PCDH9: variants seen among roughly 807,000 people sequenced by gnomAD.
PCDH9 encodes protocadherin 9, also known as protocadherin-9.
Under a neutral mutation model 70.6 loss-of-function variants are expected in PCDH9, and 24 were observed. That is an observed-to-expected ratio of 0.34 (90% CI 0.25 to 0.48). The LOEUF is 0.48. PCDH9 is among the 20% of genes least tolerant of loss of function. PCDH9 has a pLI of 0.99. For missense variants in PCDH9, 1,281 were observed against 1,503.6 expected, an observed-to-expected ratio of 0.85 and a Z score of 2.45; for synonymous variants, 562 against 558.5, an observed-to-expected ratio of 1.01 and a Z score of -0.09.
intron 2 of PCDH9, among the ~76,000 whole-genome samples, chr13:67,151,867 T>G (rs1389401667): frequency 1.3e-5 from 2 of 152,102 alleles, no homozygotes; most frequent in Non-Finnish European, 1.5e-5. Flanking sequence ...ACACTCATTT[T>G]TAAGGCACCA....
chr13:66,894,451 G>T (rs945971165), intron 3 of PCDH9, among the ~76,000 whole-genome samples: 1 of 152,078 alleles, frequency 6.6e-6, no homozygotes, highest in Non-Finnish European at 1.5e-5. Flanking sequence ...GGTTATGTTA[G>T]CTGCATAATT....
At chr13:67,178,080 G>T (rs2088512849) in intron 2 of PCDH9, among the ~76,000 whole-genome samples, 1 of 151,986 alleles carries the variant, frequency 6.6e-6, no homozygotes, top group Non-Finnish European at 1.5e-5. Context: ...AAATGCTATT[G>T]ACTTTAAGTA....
At chr13:66,845,581 A>C (rs913364417) in intron 3 of PCDH9, among the ~76,000 whole-genome samples, 3 of 152,104 alleles carry the variant, frequency 2.0e-5, no homozygotes, top group Admixed American at 6.5e-5. Flanking sequence ...CCCGGCCCCC[A>C]AGTGCACAGG....
rs117856182 is a variant in PCDH9, at chr13:66,392,094, G to A, written c.3341-87066C>T. ...AATTTCAAATCACTGAAGAAAGGGC[G>A]TTTGTCTTATTTTGGATACTGAAAT... On this transcript the variant is annotated intron_variant, in intron 4 of 4. Transcript: ENST00000377865. Among the ~76,000 whole-genome samples, 58 of 151,626 alleles carry A rather than the reference G, an allele frequency of 3.8e-4. 1 individual carries two copies. In the East Asian group the frequency reaches 8.9e-3, roughly 23 times the overall value.
chr13:66,530,110 C>A (rs965495726), intron 4 of PCDH9, among the ~76,000 whole-genome samples: 3 of 152,006 alleles, frequency 2.0e-5, no homozygotes, highest in African/African-American at 7.2e-5. Context: ...GAAATGATAT[C>A]TCTGCTTCCA....
intron 4 of PCDH9, among the ~76,000 whole-genome samples, chr13:66,622,440 T>C (rs886263668): frequency 6.6e-6 from 1 of 152,146 alleles, no homozygotes; most frequent in African/African-American, 2.4e-5. Context: ...GGAGAACCTT[T>C]GTGTCTAGCT....
intron 3 of PCDH9, among the ~76,000 whole-genome samples, chr13:66,701,209 GC>G (rs930925372): frequency 1.3e-5 from 2 of 151,520 alleles, no homozygotes; most frequent in Non-Finnish European, 2.9e-5. Flanking sequence ...AGTCTTGGAT[GC>G]TTTCATTTTG....
intron 4 of PCDH9, among the ~76,000 whole-genome samples, chr13:66,341,430 T>G (rs1448633024): frequency 6.6e-6 from 1 of 152,160 alleles, no homozygotes; most frequent in African/African-American, 2.4e-5. Flanking sequence ...TTTTAAATGC[T>G]GCTCTAGGTT....
intron 3 of PCDH9, among the ~76,000 whole-genome samples, chr13:66,691,718 C>A (rs998088859): frequency 3.3e-5 from 5 of 152,052 alleles, no homozygotes; most frequent in African/African-American, 1.2e-4. Context: ...TGAAATTGAG[C>A]TCTTTAGAAG....
At chr13:67,033,081 C>T (rs1354450120) in intron 2 of PCDH9, among the ~76,000 whole-genome samples, 3 of 151,896 alleles carry the variant, frequency 2.0e-5, no homozygotes, top group Non-Finnish European at 4.4e-5. Context: ...TCTACTTTCT[C>T]TTGCTATTCT....
At chr13:66,662,041 A>ATGTGTG (rs60088223) in intron 3 of PCDH9, among the ~76,000 whole-genome samples, 2 of 150,244 alleles carry the variant, frequency 1.3e-5, no homozygotes, top group African/African-American at 2.4e-5. Flanking sequence ...CTTTGTGAGT[A>ATGTGTG]TGTGTGTGTG....
intron 2 of PCDH9, among the ~76,000 whole-genome samples, chr13:67,047,633 G>A (rs143744099): frequency 1.3e-5 from 2 of 152,288 alleles, no homozygotes; most frequent in East Asian, 3.9e-4. Flanking sequence ...AATTCAGGGA[G>A]GAGTTAATGT....
rs78136090 is a variant in PCDH9 at position 66,706,103 on chromosome 13, T to C, written c.3139-74692A>G. Reference sequence around the variant, plus strand: ...CGTTAATTATAACTGAGCCAATGCATGAAGATTAGAGTATGTATTTGAACG... The same window carrying C: ...CGTTAATTATAACTGAGCCAATGCACGAAGATTAGAGTATGTATTTGAACG... On this transcript the variant is annotated intron_variant, in intron 3 of 4. Transcript: ENST00000377865. Among the ~76,000 whole-genome samples the C allele has an allele frequency of 5.6e-4, 86 of 152,302 alleles. No homozygotes were observed. The East Asian group carries it at 0.013, about 23-fold the overall frequency.
At chr13:66,990,805 TAATC>T (rs2083987702) in intron 2 of PCDH9, 1 of 151,766 alleles carries the variant, frequency 6.6e-6, no homozygotes, top group Non-Finnish European at 1.5e-5. Context: ...ATCCAGCAGA[TAATC>T]AATATATTTC....
At chr13:66,871,385 T>C (rs1477766779) in intron 3 of PCDH9, among the ~76,000 whole-genome samples, 1 of 149,652 alleles carries the variant, frequency 6.7e-6, no homozygotes, top group East Asian at 2.0e-4. Context: ...ACTTAAAGTA[T>C]AATAATAATA....
At chr13:66,855,290 CATAAG>C (rs1372968672) in intron 3 of PCDH9, among the ~76,000 whole-genome samples, 1 of 152,056 alleles carries the variant, frequency 6.6e-6, no homozygotes, top group African/African-American at 2.4e-5. Flanking sequence ...AAAATGATAA[CATAAG>C]ATGAGTAATC....
In PCDH9 at chr13:66,447,769, G is replaced by A. The variant is rs146307710; in HGVS notation, c.3341-142741C>T. Among the ~76,000 whole-genome samples, 317 of 152,254 alleles carry A rather than the reference G, an allele frequency of 2.1e-3. 2 individuals carry two copies. The highest frequency in any genetic ancestry group is 5.8e-3 in the South Asian group (28 of 4,832). On this transcript the variant is annotated intron_variant, in intron 4 of 4. Coordinates refer to ENST00000377865, the MANE Select transcript of PCDH9 (RefSeq NM_203487.3). Reference sequence around the variant, plus strand: ...AAAGTTGTCTTGTAATTTGTAAAAGGTGGGTATTCAACGAATTAAATTTAA... The same window carrying A: ...AAAGTTGTCTTGTAATTTGTAAAAGATGGGTATTCAACGAATTAAATTTAA...
At chr13:66,470,875 AG>A (rs967410791) in intron 4 of PCDH9, among the ~76,000 whole-genome samples, 1 of 151,480 alleles carries the variant, frequency 6.6e-6, no homozygotes, top group African/African-American at 2.4e-5. Flanking sequence ...GTTCTGAAAT[AG>A]GGGCATATAG....
At chr13:66,909,446 A>C (rs1043752604) in intron 2 of PCDH9, among the ~76,000 whole-genome samples, 3 of 151,984 alleles carry the variant, frequency 2.0e-5, no homozygotes, top group East Asian at 1.9e-4. Flanking sequence ...AAAAAAAAAA[A>C]CATATCCTTT....
Sources: allele counts gnomAD v4.1 joint callset (sites outside exome capture counted in the v4.1 genomes callset), GRCh38; gene constraint gnomAD v4.1.1; transcripts MANE v1.5; gene names NCBI Gene and HGNC (gene_info 2026-07-23, HGNC 2026-07-21).